The following NOX4 variants were observed in gnomAD, a reference collection of about 807,000 sequenced individuals.
The protein encoded by NOX4 is kidney oxidase-1.
A neutral mutation model predicts 87.6 loss-of-function variants in NOX4; 69 were observed. The ratio of observed to expected loss-of-function variants is 0.79; its 90% CI spans 0.65 to 0.96. The LOEUF (loss-of-function observed/expected upper bound fraction) is 0.96, where lower values mean the gene tolerates loss of function less well. Among genes scored for constraint, NOX4 ranks in the 40% least tolerant of loss-of-function variants. The pLI is 0.00. For missense variants in NOX4, 680 were observed against 681.5 expected (o/e 1.00, Z 0.02); for synonymous variants, 275 against 238.2 (o/e 1.15, Z -1.42).
chr11:89,394,203 A>C (rs1015818614), intron 11 of NOX4, among the ~76,000 whole-genome samples: 2 of 152,170 alleles, frequency 1.3e-5, no homozygotes, highest in Non-Finnish European at 2.9e-5. Flanking sequence ...TAGGTGAAAA[A>C]TTCTTTGATA....
chr11:89,391,846 C>T (rs1483538485), intron 11 of NOX4, among the ~76,000 whole-genome samples: 8 of 151,112 alleles, frequency 5.3e-5, no homozygotes, highest in Admixed American at 2.0e-4. Flanking sequence ...CTTTAAAATA[C>T]ATATTAATCA....
chr11:89,378,925 A>G (rs561621701), intron 11 of NOX4, among the ~76,000 whole-genome samples: 1 of 152,284 alleles, frequency 6.6e-6, no homozygotes, highest in African/African-American at 2.4e-5. Context: ...ACAAATTAAA[A>G]CTTTAATGCT....
chr11:89,491,424 C>A (rs1437435113), upstream of NOX4: 2 of 579,042 alleles, frequency 3.5e-6, no homozygotes, highest in Admixed American at 7.6e-5. Flanking sequence ...GGTCTGCTAC[C>A]CAGAGCCGGG....
intron 2 of NOX4, among the ~76,000 whole-genome samples, chr11:89,486,089 A>AT (rs1045446631): frequency 8.6e-5 from 13 of 151,282 alleles, no homozygotes; most frequent in Admixed American, 4.0e-4. Flanking sequence ...ATTCGTATGT[A>AT]TTTTTTTTAC....
intron 2 of NOX4, among the ~76,000 whole-genome samples, chr11:89,453,114 C>T (rs912540232): frequency 2.0e-5 from 3 of 152,152 alleles, no homozygotes; most frequent in African/African-American, 7.2e-5. Flanking sequence ...CTATTATTAA[C>T]TATAGTCACC....
chr11:89,386,231 C>T (rs1940691505), intron 11 of NOX4, among the ~76,000 whole-genome samples: 2 of 152,074 alleles, frequency 1.3e-5, no homozygotes, highest in Non-Finnish European at 2.9e-5. Context: ...GACACCAGCC[C>T]AACTTGAACC....
At chr11:89,553,253 G>A in the NOX4 span, among the ~76,000 whole-genome samples, 21 of 152,250 alleles carry the variant, frequency 1.4e-4, no homozygotes, top group African/African-American at 5.1e-4. Context: ...TGTCCTGGTG[G>A]GAGGTGATTG....
chr11:89,473,304 T>C (rs2135449115), intron 2 of NOX4, among the ~76,000 whole-genome samples: 1 of 152,220 alleles, frequency 6.6e-6, no homozygotes, highest in South Asian at 2.1e-4. Flanking sequence ...GCACATCCGA[T>C]CACAATTACT....
upstream of NOX4, among the ~76,000 whole-genome samples, chr11:89,493,721 T>TTTA (rs200679523): frequency 0.19 from 26,603 of 141,996 alleles, 2,688 homozygotes; most frequent in Non-Finnish European, 0.24. Flanking sequence ...GCCAGATTGT[T>TTTA]TTATTATTAT....
At chr11:89,581,055 T>G in the NOX4 span, among the ~76,000 whole-genome samples, 1 of 152,206 alleles carries the variant, frequency 6.6e-6, no homozygotes, top group African/African-American at 2.4e-5. Flanking sequence ...CAGAAAATAA[T>G]AAATTGTGTC....
upstream of NOX4, among the ~76,000 whole-genome samples, chr11:89,501,305 T>C (rs1947016106): frequency 6.6e-6 from 1 of 152,046 alleles, no homozygotes; most frequent in Non-Finnish European, 1.5e-5. Context: ...AAGCTAACTG[T>C]TTCCATATCC....
At chr11:89,392,302 C>G (rs1191856273) in intron 11 of NOX4, among the ~76,000 whole-genome samples, 1 of 152,124 alleles carries the variant, frequency 6.6e-6, no homozygotes, top group Non-Finnish European at 1.5e-5. Flanking sequence ...AGCCTTCATA[C>G]TGAGGGCTCC....
rs1392043362 is a variant in NOX4 at position 89,452,040 on chromosome 11, CT to C, written c.154-146del. On this transcript the variant is annotated intron_variant, in intron 2 of 17. Coordinates refer to ENST00000263317, the MANE Select transcript of NOX4 (RefSeq NM_016931.5). ...CTTCAAAAGCCTTGAATAGTCTTCC[CT>C]TTTCCTCTCACTAAAACCCCCTTTG... is the stretch of plus-strand genomic sequence containing the variant. 3 of 578,416 alleles carry C rather than the reference CT, an allele frequency of 5.2e-6. No individual in the cohort carries two copies. In the East Asian group the frequency reaches 8.6e-5, roughly 17 times the overall value. The allele number at this position is 578,416 out of a possible 1,614,324, so 35.8% of individuals were successfully genotyped here.
chr11:89,532,078 G>C, the NOX4 span, among the ~76,000 whole-genome samples: 1 of 152,224 alleles, frequency 6.6e-6, no homozygotes, highest in Non-Finnish European at 1.5e-5. Context: ...GCCATATGGA[G>C]AACCTCTGCT....
intron 6 of NOX4, among the ~76,000 whole-genome samples, chr11:89,434,908 C>T (rs1944000097): frequency 6.6e-6 from 1 of 151,994 alleles, no homozygotes; most frequent in South Asian, 2.1e-4. Context: ...ATATAACATT[C>T]CAGAAAATTC....
At chr11:89,589,110 A>G in the NOX4 span, among the ~76,000 whole-genome samples, 3 of 152,174 alleles carry the variant, frequency 2.0e-5, no homozygotes, top group Non-Finnish European at 4.4e-5. Flanking sequence ...CTTGCTCCCA[A>G]TTACTAGGAA....
intron 11 of NOX4, among the ~76,000 whole-genome samples, chr11:89,394,470 G>A (rs1565232631): frequency 1.3e-5 from 2 of 151,854 alleles, no homozygotes; most frequent in Non-Finnish European, 2.9e-5. Context: ...AAATAAAGTT[G>A]CCAACACAAG....
At chr11:89,338,511 C>G (rs1049052949) in intron 15 of NOX4, among the ~76,000 whole-genome samples, 3 of 152,060 alleles carry the variant, frequency 2.0e-5, no homozygotes, top group Non-Finnish European at 2.9e-5. Flanking sequence ...TACCTAGAAC[C>G]AATGTTTTCA....
intron 8 of NOX4, among the ~76,000 whole-genome samples, chr11:89,418,868 C>T (rs1183491605): frequency 6.6e-6 from 1 of 151,868 alleles, no homozygotes; most frequent in Non-Finnish European, 1.5e-5. Flanking sequence ...AAAAAAATGA[C>T]CTTAGAAAAT....
Sources: allele counts gnomAD v4.1 joint callset (sites outside exome capture counted in the v4.1 genomes callset), GRCh38; gene constraint gnomAD v4.1.1; transcripts MANE v1.5; gene names NCBI Gene and HGNC (gene_info 2026-07-23, HGNC 2026-07-21).